The following PID1 variants were observed in gnomAD, a reference collection of about 807,000 sequenced individuals.
PID1 encodes phosphotyrosine interaction domain containing 1.
PID1 carries 10 observed loss-of-function variants against 19.1 expected under a neutral mutation model. The ratio of observed to expected loss-of-function variants is 0.52; its 90% CI spans 0.32 to 0.89. PID1 has a LOEUF of 0.89. Among genes scored for constraint, PID1 ranks in the 40% least tolerant of loss-of-function variants. The pLI, the probability that PID1 is intolerant of heterozygous loss-of-function variation, is 0.03. For missense variants in PID1, 248 were observed against 285.3 expected, an observed-to-expected ratio of 0.87 and a Z score of 0.94; for synonymous variants, 130 against 116.0, an observed-to-expected ratio of 1.12 and a Z score of -0.78.
chr2:229,189,621 T>G (rs1202969615), intron 1 of PID1, among the ~76,000 whole-genome samples: 2 of 152,142 alleles, frequency 1.3e-5, no homozygotes, highest in African/African-American at 4.8e-5. Flanking sequence ...GGCTTGAACC[T>G]GGGAGGCGGA....
Position 229,024,716 on chromosome 2 carries a change from C to T in PID1, c.*916G>A, listed in dbSNP as rs1181977577. 1 of 152,642 alleles carries T rather than the reference C, an allele frequency of 6.6e-6. No homozygotes were observed. Among genetic ancestry groups the T allele is most frequent in the Non-Finnish European group, 1.5e-5 (1 of 68,048 alleles). 9.5% of individuals were successfully genotyped at this position (152,642 alleles called of 1,614,324 possible). A position where few individuals can be genotyped will look rare whatever the true frequency, so the allele number is the denominator to read the frequency against. On this transcript the variant is annotated 3_prime_UTR_variant, in exon 3 of 3. Transcript: ENST00000392055. ...TAATTAAATAAGTTACCATAAATCTCAGCTGGATAAAAGGAGAGTTGACAT... is the reference window on the plus strand; with the variant it reads ...TAATTAAATAAGTTACCATAAATCTTAGCTGGATAAAAGGAGAGTTGACAT...
chr2:229,142,457 A>G (rs1056939395), intron 2 of PID1, among the ~76,000 whole-genome samples: 1 of 152,180 alleles, frequency 6.6e-6, no homozygotes, highest in African/African-American at 2.4e-5. Context: ...AAAGGAAAAA[A>G]TCAATGAGAG....
chr2:229,158,043 A>C (rs1465820770), intron 1 of PID1, among the ~76,000 whole-genome samples: 1 of 152,240 alleles, frequency 6.6e-6, no homozygotes, highest in East Asian at 1.9e-4. Context: ...ATGAACTAGA[A>C]AATGCAAATT....
At chr2:229,174,832 T>A (rs1690785955) in intron 1 of PID1, among the ~76,000 whole-genome samples, 1 of 152,102 alleles carries the variant, frequency 6.6e-6, no homozygotes, top group Non-Finnish European at 1.5e-5. Context: ...ACCGTCCAAT[T>A]TGGCCTCTTG....
intron 1 of PID1, among the ~76,000 whole-genome samples, chr2:229,206,907 T>C (rs1362533677): frequency 6.6e-6 from 1 of 152,196 alleles, no homozygotes; most frequent in African/African-American, 2.4e-5. Flanking sequence ...ATGCAGATTC[T>C]GGGTCAGTAG....
chr2:229,254,563 G>C (rs1292545172), intron 1 of PID1, among the ~76,000 whole-genome samples: 1 of 152,070 alleles, frequency 6.6e-6, no homozygotes, highest in Non-Finnish European at 1.5e-5. Context: ...CTTTTTCCTC[G>C]GGCTGCTAGG....
chr2:229,139,225 A>G (rs1449411950), intron 2 of PID1, among the ~76,000 whole-genome samples: 1 of 152,142 alleles, frequency 6.6e-6, no homozygotes, highest in African/African-American at 2.4e-5. Context: ...TTGCTTCACC[A>G]TGATAGGGCA....
chr2:229,227,613 T>G (rs143681673), intron 1 of PID1, among the ~76,000 whole-genome samples: 2 of 152,286 alleles, frequency 1.3e-5, no homozygotes, highest in African/African-American at 4.8e-5. Context: ...CAGGTGCAGA[T>G]AGAATTCTAC....
chr2:229,100,443 T>C (rs1260825518), intron 2 of PID1, among the ~76,000 whole-genome samples: 4 of 152,140 alleles, frequency 2.6e-5, no homozygotes, highest in Non-Finnish European at 5.9e-5. Context: ...TCCCTAATGA[T>C]CTAGTTCATT....
At chr2:229,151,566 T>C (rs1239105136) in intron 2 of PID1, among the ~76,000 whole-genome samples, 1 of 151,012 alleles carries the variant, frequency 6.6e-6, no homozygotes, top group Non-Finnish European at 1.5e-5. Flanking sequence ...TTAAGACTTC[T>C]ATTTCTTTTT....
Position 229,211,261 on chromosome 2 carries a change from G to A in PID1, c.31-55297C>T, listed in dbSNP as rs147058159. ...AAATTACAGTTAACACCTATTTTGT[G>A]CAGGTTGCTGAGAAATGGGGCGTCC... On this transcript the variant is annotated intron_variant, in intron 1 of 2. Coordinates refer to ENST00000392055, the MANE Select transcript of PID1 (RefSeq NM_001100818.2). Among the ~76,000 whole-genome samples, 236 of 152,146 alleles carry A rather than the reference G, an allele frequency of 1.6e-3. 2 individuals carry two copies. Among genetic ancestry groups the A allele is most frequent in the Middle Eastern group, 0.01 (3 of 294 alleles).
Position 229,139,160 on chromosome 2 carries a change from AGCAAGCG to A in PID1, c.177+16651_177+16657del, listed in dbSNP as rs1312703850. On this transcript the variant is annotated intron_variant, in intron 2 of 2. Transcript: ENST00000392055. ...AAGAAAGAAAGAAAGCAAGCGAGCG[AGCAAGCG>A]AGCTTCCCTTGACCAAACACTCCCT... 4.0e-3 allele frequency among the ~76,000 whole-genome samples: 528 copies of A among 131,644 alleles called. 44 individuals are homozygous for A. The highest frequency in any genetic ancestry group is 0.013 in the African/African-American group (453 of 34,990). The allele number at this position is 131,644 out of a possible 152,430, so 86.4% of individuals were successfully genotyped here. A position where few individuals can be genotyped will look rare whatever the true frequency, so the allele number is the denominator to read the frequency against.
intron 2 of PID1, among the ~76,000 whole-genome samples, chr2:229,136,748 T>C (rs777118127): frequency 6.6e-6 from 1 of 152,232 alleles, no homozygotes; most frequent in Non-Finnish European, 1.5e-5. Flanking sequence ...ATTAGTGCTA[T>C]GTCATCCCCT....
intron 1 of PID1, among the ~76,000 whole-genome samples, chr2:229,237,846 A>G (rs758645181): frequency 2.6e-5 from 4 of 152,198 alleles, no homozygotes; most frequent in Non-Finnish European, 5.9e-5. Context: ...AGTCTATGGA[A>G]TTACTAACAC....
At chr2:229,227,789 C>G (rs2095832348) in intron 1 of PID1, among the ~76,000 whole-genome samples, 1 of 152,150 alleles carries the variant, frequency 6.6e-6, no homozygotes, top group Non-Finnish European at 1.5e-5. Context: ...TGCACGTGTA[C>G]TGAACAGGTA....
In PID1 at chr2:229,186,865, GCT is replaced by G. The variant is rs1691144114; in HGVS notation, c.31-30903_31-30902del. ...GGCTGCAAATTTTCCAAACTTTTATGCTCTGTTTCCCTTTTAAAGCTGAATGC... is the reference window on the plus strand; with the variant it reads ...GGCTGCAAATTTTCCAAACTTTTATGCTGTTTCCCTTTTAAAGCTGAATGC... On this transcript the variant is annotated intron_variant, in intron 1 of 2. Coordinates refer to ENST00000392055, the MANE Select transcript of PID1 (RefSeq NM_001100818.2). Among the ~76,000 whole-genome samples the G allele has an allele frequency of 2.0e-5, 3 of 152,136 alleles. No individual in the cohort carries two copies. The South Asian group carries it at 6.2e-4, about 31-fold the overall frequency.
chr2:229,248,228 T>C (rs1323581475), intron 1 of PID1, among the ~76,000 whole-genome samples: 1 of 152,246 alleles, frequency 6.6e-6, no homozygotes, highest in Non-Finnish European at 1.5e-5. Flanking sequence ...TGGGTTGTCA[T>C]GTCTACTCAA....
At chr2:229,269,375 T>C (rs905761576) in intron 1 of PID1, among the ~76,000 whole-genome samples, 1 of 152,252 alleles carries the variant, frequency 6.6e-6, no homozygotes, top group Non-Finnish European at 1.5e-5. Context: ...AGCGCCCACC[T>C]GCCAAGGGTC....
At position 229,259,058 on chromosome 2, in the gene PID1, T is replaced by TA. The variant is rs1553588884; in HGVS notation, c.30+11955_30+11956insT. 3.9e-4 allele frequency among the ~76,000 whole-genome samples: 29 copies of TA among 73,468 alleles called. No homozygotes were observed. The South Asian group carries it at 0.017, about 44-fold the overall frequency. The allele number at this position is 73,468 out of a possible 152,430, so 48.2% of individuals were successfully genotyped here. ...TCATCAACAGTTAGCAAGGTCGTAGTTTTTTTTTTTTTTTCAGTAGTTCTA... is the reference window on the plus strand; with the variant it reads ...TCATCAACAGTTAGCAAGGTCGTAGTATTTTTTTTTTTTTTCAGTAGTTCTA... On this transcript the variant is annotated intron_variant, in intron 1 of 2. Transcript: ENST00000392055.
Sources: allele counts gnomAD v4.1 joint callset (sites outside exome capture counted in the v4.1 genomes callset), GRCh38; gene constraint gnomAD v4.1.1; transcripts MANE v1.5; gene names NCBI Gene and HGNC (gene_info 2026-07-23, HGNC 2026-07-21).